The following NSUN4 variants were observed in gnomAD, a reference collection of about 807,000 sequenced individuals.
The protein encoded by NSUN4 is 5-cytosine rRNA methyltransferase NSUN4.
Under a neutral mutation model 43.8 loss-of-function variants are expected in NSUN4, and 31 were observed. The ratio of observed to expected loss-of-function variants is 0.71; its 90% CI spans 0.53 to 0.96. The LOEUF is 0.96. NSUN4 is among the 40% of genes least tolerant of loss of function. The pLI, the probability that NSUN4 is intolerant of heterozygous loss-of-function variation, is 0.00. For synonymous variants in NSUN4, 167 were observed against 184.1 expected (o/e 0.91, Z 0.75); for missense variants, 439 against 475.6 (o/e 0.92, Z 0.72).
In NSUN4 at chr1:46,361,590, A is replaced by G. The variant is rs150871361; in HGVS notation, c.899A>G (p.Lys300Arg). The G allele has an allele frequency of 1.8e-5, 29 of 1,614,020 alleles. No homozygotes were observed. In the African/African-American group the frequency reaches 3.5e-4, roughly 19 times the overall value. The change falls in exon 6 of 6, where the codon AAA (lysine) becomes AGA (arginine). Residue 300 changes from lysine (K) to arginine (R), a missense_variant. Coordinates refer to ENST00000474844, the MANE Select transcript of NSUN4 (RefSeq NM_199044.4). ...TTCAGGGCTGGACTCCTTGCCACCA[A>G]ACCAGGAGGCCATGTTGTCTATTCT... ...QLLAAGLLAT[K>R]PGGHVVYSTC...
At chr1:46,344,070 C>G in intron 1 of NSUN4, 2 of 309,864 alleles carry the variant, frequency 6.5e-6, no homozygotes, top group Non-Finnish European at 1.2e-5. Flanking sequence ...CTTGTGCACT[C>G]CTCATCTGAA....
chr1:46,340,929 G>T lies in NSUN4; in HGVS notation c.93+10G>T. ...ATATAAGAAGAAATGGGTAAGGTCC[G>T]GCTGGGGGCGCAGGAGGGAAAAGTG... is the stretch of plus-strand genomic sequence containing the variant. On this transcript the variant is annotated intron_variant, in intron 1 of 5. Coordinates refer to ENST00000474844, the MANE Select transcript of NSUN4 (RefSeq NM_199044.4). The T allele has an allele frequency of 6.2e-7, 1 of 1,607,560 alleles. No homozygotes were observed. Among genetic ancestry groups the T allele is most frequent in the Non-Finnish European group, 8.5e-7 (1 of 1,176,256 alleles).
intron 4 of NSUN4, among the ~76,000 whole-genome samples, chr1:46,355,228 C>T (rs1430736462): frequency 6.6e-6 from 1 of 152,186 alleles, no homozygotes; most frequent in Admixed American, 6.5e-5. Context: ...AAGCAGGACC[C>T]ATTATCATTA....
intron 4 of NSUN4, among the ~76,000 whole-genome samples, chr1:46,356,625 A>G (rs112560929): frequency 0.22 from 33,989 of 151,842 alleles, 4,257 homozygotes; most frequent in Non-Finnish European, 0.29. Flanking sequence ...CCTGTGGGGC[A>G]GAGCCTGCAG....
chr1:46,353,539 C>T (rs796780598), intron 4 of NSUN4, among the ~76,000 whole-genome samples: 17 of 151,770 alleles, frequency 1.1e-4, no homozygotes, highest in African/African-American at 3.4e-4. Context: ...TGCAATGGCG[C>T]GATCTCTGCT....
At chr1:46,351,659 CTTTTT>C (rs1190689943) in intron 3 of NSUN4, among the ~76,000 whole-genome samples, 1 of 88,890 alleles carries the variant, frequency 1.1e-5, no homozygotes, top group Non-Finnish European at 2.1e-5. Flanking sequence ...GACCCAGTCT[CTTTTT>C]TTTTTTTTTT....
downstream of NSUN4, among the ~76,000 whole-genome samples, chr1:46,367,862 T>C (rs1557748318): frequency 6.8e-6 from 1 of 147,904 alleles, no homozygotes; most frequent in Non-Finnish European, 1.5e-5. Context: ...CCTCCCAGGC[T>C]CAAGTGATCC....
At chr1:46,382,951 C>T in the NSUN4 span, among the ~76,000 whole-genome samples, 40 of 152,250 alleles carry the variant, frequency 2.6e-4, no homozygotes, top group African/African-American at 5.3e-4. Flanking sequence ...AGATAAAGCA[C>T]GTAAAGTTCT....
chr1:46,368,451 C>A (rs1569781238), downstream of NSUN4, among the ~76,000 whole-genome samples: 1 of 152,284 alleles, frequency 6.6e-6, no homozygotes, highest in African/African-American at 2.4e-5. Context: ...TCGCAACTTC[C>A]ACGCTCATTT....
intron 3 of NSUN4, among the ~76,000 whole-genome samples, chr1:46,349,482 G>C (rs5013330): frequency 1.3e-5 from 2 of 152,100 alleles, no homozygotes; most frequent in Admixed American, 6.5e-5. Context: ...TCCACTGGCC[G>C]ATATCCTGCC....
At chr1:46,341,940 A>G (rs984649329) in intron 1 of NSUN4, 1 of 1,232,492 alleles carries the variant, frequency 8.1e-7, no homozygotes. Flanking sequence ...CAGCCCGGCA[A>G]CCTCCTTTCC....
rs1361084295 is a variant in NSUN4, at chr1:46,345,088, G to A, written c.381G>A (p.Pro127=). ...APSPASWACS[P]NLRCFTFDRG... ...CCCCTGCCTCCTGGGCCTGCAGTCC[G>A]AACCTTCGATGCTTCACTTTTGACA... Residue 127 remains proline, a synonymous_variant, in exon 2 of 6, where the codon CCG becomes CCA. Coordinates refer to ENST00000474844, the MANE Select transcript of NSUN4 (RefSeq NM_199044.4). The A allele has an allele frequency of 1.7e-5, 27 of 1,613,864 alleles. No homozygotes were observed. The highest frequency in any genetic ancestry group is 1.4e-5 in the Non-Finnish European group (16 of 1,179,984).
In NSUN4 at chr1:46,349,099, C is replaced by T. The variant is rs549968917; in HGVS notation, c.592+2024C>T. ...AAGTGCTGAGATTACAGGTGTGAAC[C>T]ACCGCGCCCAGTCTTGTGCACTGTT... On this transcript the variant is annotated intron_variant, in intron 3 of 5. Transcript: ENST00000474844. Among the ~76,000 whole-genome samples, 11 of 151,134 alleles carry T rather than the reference C, an allele frequency of 7.3e-5. No homozygotes were observed. In the South Asian group the frequency reaches 2.3e-3, roughly 32 times the overall value.
downstream of NSUN4, among the ~76,000 whole-genome samples, chr1:46,366,254 CAT>C (rs1235095641): frequency 6.6e-6 from 1 of 151,972 alleles, no homozygotes; most frequent in Non-Finnish European, 1.5e-5. Context: ...AATTTAAAAA[CAT>C]GTAAAAAGAA....
downstream of NSUN4, among the ~76,000 whole-genome samples, chr1:46,366,714 A>AAAAAAAAAAAAAAAAAAAAAAC (rs1664144339): frequency 6.8e-6 from 1 of 147,924 alleles, no homozygotes; most frequent in Non-Finnish European, 1.5e-5. Context: ...CAAAAAAAAA[A>AAAAAAAAAAAAAAAAAAAAAAC]AAAAAAAAAA....
At position 46,361,941 on chromosome 1, in the gene NSUN4, G is replaced by A. The variant is rs868046419; in HGVS notation, c.*95G>A. 84 of 1,133,144 alleles carry A rather than the reference G, an allele frequency of 7.4e-5. No individual in the cohort carries two copies. The Middle Eastern group carries it at 6.5e-3, about 88-fold the overall frequency. The allele number at this position is 1,133,144 out of a possible 1,614,324, so 70.2% of individuals were successfully genotyped here. A position where few individuals can be genotyped will look rare whatever the true frequency, so the allele number is the denominator to read the frequency against. On this transcript the variant is annotated 3_prime_UTR_variant, in exon 6 of 6. Transcript: ENST00000474844. Reference sequence around the variant, plus strand: ...GGACCAGTGGCAGAGATGCACTCTCGGTCCTGTCTCCATCCTGTTCGTGTC... The same window carrying A: ...GGACCAGTGGCAGAGATGCACTCTCAGTCCTGTCTCCATCCTGTTCGTGTC...
intron 3 of NSUN4, among the ~76,000 whole-genome samples, chr1:46,351,640 A>G (rs1380039912): frequency 1.3e-5 from 2 of 149,866 alleles, no homozygotes; most frequent in East Asian, 2.0e-4. Context: ...TACCTGGGCA[A>G]CATAGTGAGA....
the NSUN4 span, among the ~76,000 whole-genome samples, chr1:46,373,475 T>G: frequency 6.6e-6 from 1 of 152,194 alleles, no homozygotes; most frequent in Admixed American, 6.5e-5. Flanking sequence ...AAGTCCAAGG[T>G]TAAGGGGTCC....
chr1:46,349,244 A>G (rs1662794503), intron 3 of NSUN4, among the ~76,000 whole-genome samples: 1 of 148,688 alleles, frequency 6.7e-6, no homozygotes, highest in South Asian at 2.1e-4. Context: ...GGTTCATGCC[A>G]TTCTCCTGCC....
Sources: allele counts gnomAD v4.1 joint callset (sites outside exome capture counted in the v4.1 genomes callset), GRCh38; gene constraint gnomAD v4.1.1; transcripts MANE v1.5; gene names NCBI Gene and HGNC (gene_info 2026-07-23, HGNC 2026-07-21).